Variants in FAAH2 observed in about 807,000 individuals in gnomAD.
The protein encoded by FAAH2 is fatty acid amide hydrolase 2.
FAAH2 carries 60 observed loss-of-function variants against 36.9 expected under a neutral mutation model. That is an observed-to-expected ratio of 1.63 (90% confidence interval 1.32 to 2.02). The LOEUF (loss-of-function observed/expected upper bound fraction) is 2.02, where lower values mean the gene tolerates loss of function less well. FAAH2 is among the 30% of genes most tolerant of loss of function. FAAH2 has a pLI of 0.00. For missense variants in FAAH2, 689 were observed against 397.5 expected (o/e 1.73, Z -6.23); for synonymous variants, 214 against 143.8 (o/e 1.49, Z -3.49).
At chrX:57,292,651 T>C in intron 2 of FAAH2, 71 bp downstream of exon 2, 2 of 863,429 alleles carry the variant, frequency 2.3e-6, no homozygotes, top group Non-Finnish European at 3.3e-6. Context: ...CATGCCACCT[T>C]AGCATATTTC....
intron 4 of FAAH2, among the ~76,000 whole-genome samples, chrX:57,333,264 G>A (rs894227611): frequency 9.0e-6 from 1 of 111,722 alleles, no homozygotes; most frequent in Non-Finnish European, 1.9e-5. Flanking sequence ...ACAGCAGACA[G>A]TAAACACAGA....
At chrX:57,159,743 G>C in the FAAH2 span, among the ~76,000 whole-genome samples, 1 of 111,887 alleles carries the variant, frequency 8.9e-6, no homozygotes, top group Middle Eastern at 4.6e-3. Context: ...TTTGGGCTGA[G>C]ACAATGGGAT....
intron 3 of FAAH2, 25 bp downstream of exon 3, chrX:57,310,754 C>A: frequency 8.5e-7 from 1 of 1,170,498 alleles, no homozygotes; most frequent in Non-Finnish European, 1.1e-6. Flanking sequence ...TTTTTGGCTA[C>A]ATGAGTTTAA....
At chrX:57,198,736 G>T in the FAAH2 span, among the ~76,000 whole-genome samples, 1 of 112,398 alleles carries the variant, frequency 8.9e-6, no homozygotes, top group Non-Finnish European at 1.9e-5. Context: ...ACTTAGAAAT[G>T]CCATCCCTGA....
the FAAH2 span, among the ~76,000 whole-genome samples, chrX:57,151,085 G>A: frequency 1.8e-5 from 2 of 112,105 alleles, no homozygotes; most frequent in Non-Finnish European, 3.8e-5. Context: ...GTTGAATATT[G>A]GCCCCCACTC....
intron 10 of FAAH2, among the ~76,000 whole-genome samples, chrX:57,486,354 G>A (rs2057474145): frequency 9.0e-6 from 1 of 111,177 alleles, no homozygotes; most frequent in Admixed American, 9.6e-5. Context: ...GGGTTGGGTG[G>A]GGCCAGATGC....
chrX:57,246,662 A>T, the FAAH2 span, among the ~76,000 whole-genome samples: 1 of 112,295 alleles, frequency 8.9e-6, no homozygotes, highest in Non-Finnish European at 1.9e-5. Context: ...ACAGCATTGC[A>T]TAATAAAAAT....
the FAAH2 span, among the ~76,000 whole-genome samples, chrX:57,255,971 A>T: frequency 8.9e-6 from 1 of 112,041 alleles, no homozygotes; most frequent in South Asian, 3.7e-4. Context: ...AAATAAAAAG[A>T]GAGGAAGTCA....
intron 7 of FAAH2, among the ~76,000 whole-genome samples, chrX:57,421,230 G>T (rs1018351134): frequency 8.9e-6 from 1 of 111,812 alleles, no homozygotes; most frequent in Non-Finnish European, 1.9e-5. Flanking sequence ...CGGATCACAA[G>T]ATCAGGAGTC....
At chrX:57,211,894 T>C in the FAAH2 span, among the ~76,000 whole-genome samples, 1 of 111,966 alleles carries the variant, frequency 8.9e-6, no homozygotes, top group African/African-American at 3.2e-5. Flanking sequence ...ACATTAATTA[T>C]AGACACATCC....
At chrX:57,419,792 C>T (rs759669998) in intron 7 of FAAH2, among the ~76,000 whole-genome samples, 3 of 111,516 alleles carry the variant, frequency 2.7e-5, no homozygotes, top group Non-Finnish European at 3.8e-5. Flanking sequence ...AAGTCCTTGC[C>T]CATGCCTATG....
At chrX:57,404,204 G>A (rs1003808122) in intron 7 of FAAH2, among the ~76,000 whole-genome samples, 11 of 112,108 alleles carry the variant, frequency 9.8e-5, no homozygotes, top group Admixed American at 8.5e-4. Context: ...GAGTGTTATA[G>A]GGTCATGGAG....
At chrX:57,139,800 G>T in the FAAH2 span, among the ~76,000 whole-genome samples, 1 of 111,618 alleles carries the variant, frequency 9.0e-6, no homozygotes, top group Non-Finnish European at 1.9e-5. Context: ...TGATGCCCCA[G>T]CTTAGTTCTT....
chrX:57,258,682 A>C, the FAAH2 span, among the ~76,000 whole-genome samples: 4 of 107,019 alleles, frequency 3.7e-5, no homozygotes, highest in Non-Finnish European at 7.7e-5. Flanking sequence ...AACGATGAGC[A>C]TGACTATAAA....
chrX:57,448,094 ATCCTCCTGCCTCAAC>A (rs2056716326), intron 9 of FAAH2, among the ~76,000 whole-genome samples: 1 of 111,142 alleles, frequency 9.0e-6, no homozygotes, highest in Non-Finnish European at 1.9e-5. Context: ...GGCTAAAGCA[ATCCTCCTGCCTCAAC>A]TCCTAAGTTG....
intron 1 of FAAH2, 58 bp downstream of exon 1, chrX:57,287,075 G>A: frequency 9.4e-7 from 1 of 1,060,107 alleles, no homozygotes; most frequent in Non-Finnish European, 1.2e-6. Context: ...GATCCAGGAA[G>A]CTTAGTGGTG....
At chrX:57,354,950 C>A (rs1243365235) in intron 5 of FAAH2, among the ~76,000 whole-genome samples, 1 of 110,598 alleles carries the variant, frequency 9.0e-6, no homozygotes, top group Non-Finnish European at 1.9e-5. Flanking sequence ...ACAGAGTGTA[C>A]CAAAATGTTT....
At chrX:57,401,323 A>T (rs2055430015) in intron 7 of FAAH2, among the ~76,000 whole-genome samples, 2 of 111,104 alleles carry the variant, frequency 1.8e-5, no homozygotes, top group Admixed American at 9.5e-5. Context: ...AAAACAGTCC[A>T]GGTGAGTTGA....
intron 5 of FAAH2, among the ~76,000 whole-genome samples, chrX:57,361,907 T>C (rs1030683912): frequency 1.8e-5 from 2 of 111,412 alleles, no homozygotes; most frequent in South Asian, 3.8e-4. Flanking sequence ...GAAACTCTGG[T>C]AGGCACAATA....
Sources: gnomAD v4.1 joint callset for allele counts (sites outside exome capture counted in the v4.1 genomes callset) on GRCh38, gnomAD v4.1.1 for gene constraint, MANE v1.5 for transcripts, NCBI Gene and HGNC (gene_info 2026-07-23, HGNC 2026-07-21) for gene names.